Variants in TCTN2 observed in about 807,000 individuals in gnomAD.
TCTN2 encodes the protein tectonic family member 2, also known as tectonic-2.
A neutral mutation model predicts 83.4 loss-of-function variants in TCTN2; 66 were observed. The observed-to-expected ratio is 0.79, with a 90% CI of 0.65 to 0.97. TCTN2 has a LOEUF of 0.97. TCTN2 is among the 50% of genes least tolerant of loss of function. The pLI is 0.00. For synonymous variants in TCTN2, 301 were observed against 326.7 expected (o/e 0.92, Z 0.85); for missense variants, 794 against 858.1 (o/e 0.93, Z 0.93).
chr12:123,690,983 C>T (rs1237654172), intron 8 of TCTN2, among the ~76,000 whole-genome samples: 1 of 152,038 alleles, frequency 6.6e-6, no homozygotes, highest in Non-Finnish European at 1.5e-5. Context: ...ATTCTCCTGC[C>T]TCAGCTTCCC....
rs150634667 is a variant in TCTN2, at chr12:123,706,783, C to T, written c.1827C>T (p.Asp609=). 1.0e-4 allele frequency: 167 copies of T among 1,614,136 alleles called. 1 individual carries two copies. The Admixed American group carries it at 1.2e-3, about 11-fold the overall frequency. The change falls in exon 16 of 18, where the codon GAC becomes GAT. Residue 609 remains aspartate (D), a synonymous_variant. Transcript: ENST00000303372. Reference sequence around the variant, plus strand: ...GGCTTACCTGTGAGCACAAGGCCGACCTTCTCCCTATCAGTGCATCCGTCC... The same window carrying T: ...GGCTTACCTGTGAGCACAAGGCCGATCTTCTCCCTATCAGTGCATCCGTCC... ...QCGLTCEHKA[D]LLPISASVQF...
chr12:123,694,832 G>C lies in TCTN2; in HGVS notation c.1100-10G>C, dbSNP rs794727008. On this transcript the variant is annotated splice_polypyrimidine_tract_variant and intron_variant, in intron 9 of 17. Transcript: ENST00000303372. Reference sequence around the variant, plus strand: ...GTCTTTAATTTATGAACATATTCTTGTATTTGCAGAAACTCCTTTAAATAA... The same window carrying C: ...GTCTTTAATTTATGAACATATTCTTCTATTTGCAGAAACTCCTTTAAATAA... 1 of 1,610,192 alleles carries C rather than the reference G, an allele frequency of 6.2e-7. No individual in the cohort carries two copies. The highest frequency in any genetic ancestry group is 8.5e-7 in the Non-Finnish European group (1 of 1,177,244).
chr12:123,703,137 T>G (rs1956190858), intron 14 of TCTN2, among the ~76,000 whole-genome samples: 1 of 152,192 alleles, frequency 6.6e-6, no homozygotes. Context: ...ACATACTAAT[T>G]AAAGTCGTTA....
rs545101214 is a variant in TCTN2, at chr12:123,690,620, T to C, written c.979T>C (p.Tyr327His). Residue 327 changes from tyrosine (Y) to histidine (H), a missense_variant, in exon 8 of 18, where the codon TAC becomes CAC. Physicochemically the swap from Tyr to His is moderately conservative, Grantham distance 83. Coordinates refer to ENST00000303372, the MANE Select transcript of TCTN2 (RefSeq NM_024809.5). ...TAAATGCGTTACTAATTTGGAACTA[T>C]ACCAAGAACGAGATGGTATTATCAA... ...DVKCVTNLELYQERDGIINAK... is the reference protein window; with the variant it reads ...DVKCVTNLELHQERDGIINAK... 5.0e-6 allele frequency: 8 copies of C among 1,614,200 alleles called. No homozygotes were observed. In the Admixed American group the frequency reaches 8.3e-5, roughly 17 times the overall value.
intron 9 of TCTN2, among the ~76,000 whole-genome samples, chr12:123,694,150 T>A (rs1315212109): frequency 1.3e-5 from 2 of 152,050 alleles, no homozygotes; most frequent in Non-Finnish European, 2.9e-5. Flanking sequence ...CCTGCCCCCA[T>A]GCCTGGCTGA....
At position 123,691,184 on chromosome 12, in the gene TCTN2, A is replaced by G. The variant is rs542604260; in HGVS notation, c.1033+510A>G. 2.1e-4 allele frequency among the ~76,000 whole-genome samples: 32 copies of G among 152,220 alleles called. No homozygotes were observed. In the South Asian group the frequency reaches 6.4e-3, roughly 31 times the overall value. On this transcript the variant is annotated intron_variant, in intron 8 of 17. Transcript: ENST00000303372. ...GCGTCCCACCAGAATTAACCCTTTT[A>G]AAGTGTACAATTCATTGACATTAGT...
chr12:123,684,216 T>C (rs1955935209), intron 5 of TCTN2, among the ~76,000 whole-genome samples: 1 of 152,144 alleles, frequency 6.6e-6, no homozygotes, highest in Admixed American at 6.6e-5. Context: ...CAATACCATA[T>C]GCTTTCCCCT....
intron 13 of TCTN2, among the ~76,000 whole-genome samples, chr12:123,698,907 G>T (rs905567941): frequency 2.0e-5 from 3 of 152,092 alleles, no homozygotes; most frequent in Non-Finnish European, 4.4e-5. Context: ...TCCCTCTCCT[G>T]CAGTTCATGA....
rs548537228 is a variant in TCTN2 at position 123,699,613 on chromosome 12, C to T, written c.1506-91C>T. 3.4e-4 allele frequency: 356 copies of T among 1,059,386 alleles called. 1 individual carries two copies. The highest frequency in any genetic ancestry group is 4.7e-4 in the Non-Finnish European group (321 of 682,008). 65.6% of individuals were successfully genotyped at this position (1,059,386 alleles called of 1,614,324 possible). ...TTCCTCTGGCAGTTTTTAATTTAGG[C>T]ACTCGGAAGTGAAACCCGGACATTC... On this transcript the variant is annotated intron_variant, in intron 13 of 17. Transcript: ENST00000303372.
chr12:123,706,800 C>T lies in TCTN2; in HGVS notation c.1844C>T (p.Ala615Val), dbSNP rs371113794. ...AAGGCCGACCTTCTCCCTATCAGTG[C>T]ATCCGTCCAGTTTATTAAAATTCCT... ...EHKADLLPIS[A>V]SVQFIKIPAQ... Residue 615 changes from alanine to valine, a missense_variant, in exon 16 of 18, where the codon GCA becomes GTA. Coordinates refer to ENST00000303372, the MANE Select transcript of TCTN2 (RefSeq NM_024809.5). 1 of 1,614,086 alleles carries T rather than the reference C, an allele frequency of 6.2e-7. No individual in the cohort carries two copies. The highest frequency in any genetic ancestry group is 8.5e-7 in the Non-Finnish European group (1 of 1,180,046).
chr12:123,699,081 T>TACCTC (rs1566259995), intron 13 of TCTN2, among the ~76,000 whole-genome samples: 46 of 152,320 alleles, frequency 3.0e-4, no homozygotes, highest in African/African-American at 1.1e-3. Context: ...TGATGTGTGC[T>TACCTC]CTAACTACCT....
rs544396270 is a variant in TCTN2 at position 123,675,210 on chromosome 12, G to A, written c.463+1400G>A. 1.7e-4 allele frequency among the ~76,000 whole-genome samples: 26 copies of A among 152,288 alleles called. No individual in the cohort carries two copies. The South Asian group carries it at 2.5e-3, about 15-fold the overall frequency. ...AGCTTTTGATGCTACAGCAAAGATCGTTATGCCCGTGTACATGAATCTTTG... is the reference window on the plus strand; with the variant it reads ...AGCTTTTGATGCTACAGCAAAGATCATTATGCCCGTGTACATGAATCTTTG... On this transcript the variant is annotated intron_variant, in intron 4 of 17. Coordinates refer to ENST00000303372, the MANE Select transcript of TCTN2 (RefSeq NM_024809.5).
At chr12:123,700,077 T>A in intron 14 of TCTN2, 3 of 528,402 alleles carry the variant, frequency 5.7e-6, no homozygotes, top group Non-Finnish European at 1.0e-5. Flanking sequence ...AGTGGTGCAA[T>A]CACAGCTCAT....
In TCTN2 at chr12:123,707,613, A is replaced by T; in HGVS notation, c.1994A>T (p.His665Leu). The part of the protein sequence containing the change: ...PWTQYYQGEL[H>L]SQCVAKGLLL... The stretch of plus-strand genomic sequence containing the variant: ...GTCCATTGTTTTTCAGGGGAGCTGC[A>T]TTCTCAGTGTGTTGCTAAGGGCTTA... The change falls in exon 18 of 18, where the codon CAT becomes CTT. Residue 665 changes from histidine (H) to leucine (L), a missense_variant. Transcript: ENST00000303372. 6.2e-7 allele frequency: 1 copy of T among 1,614,128 alleles called. No individual in the cohort carries two copies. Among genetic ancestry groups the T allele is most frequent in the Non-Finnish European group, 8.5e-7 (1 of 1,179,988 alleles).
At chr12:123,705,629 G>T (rs1593869983) in intron 15 of TCTN2, among the ~76,000 whole-genome samples, 2 of 152,036 alleles carry the variant, frequency 1.3e-5, no homozygotes, top group South Asian at 2.1e-4. Flanking sequence ...TCTTCCTTTG[G>T]GTTGGCTTCA....
At chr12:123,701,235 G>A (rs1392683540) in intron 14 of TCTN2, among the ~76,000 whole-genome samples, 2 of 152,186 alleles carry the variant, frequency 1.3e-5, no homozygotes, top group East Asian at 1.9e-4. Context: ...AGTGGATGCC[G>A]GAGGTGGAGG....
rs769948543 is a variant in TCTN2 at position 123,692,649 on chromosome 12, T to C, written c.1034-9T>C. ...CGCCTGTGGAAGTTAATTTATGTTA[T>C]CTCTTTAGGCATAGTTACACCAAAA... is the stretch of plus-strand genomic sequence containing the variant. On this transcript the variant is annotated splice_polypyrimidine_tract_variant and intron_variant, in intron 8 of 17. Coordinates refer to ENST00000303372, the MANE Select transcript of TCTN2 (RefSeq NM_024809.5). 1 of 1,609,240 alleles carries C rather than the reference T, an allele frequency of 6.2e-7. No individual in the cohort carries two copies. Among genetic ancestry groups the C allele is most frequent in the East Asian group, 2.2e-5 (1 of 44,864 alleles).
At chr12:123,702,122 G>T (rs531310147) in intron 14 of TCTN2, among the ~76,000 whole-genome samples, 2 of 152,310 alleles carry the variant, frequency 1.3e-5, no homozygotes, top group African/African-American at 4.8e-5. Context: ...GTTTCTTGGG[G>T]AGCCTTGAGT....
chr12:123,672,264 G>T, intron 3 of TCTN2, 132 bp downstream of exon 3: 1 of 872,602 alleles, frequency 1.1e-6, no homozygotes. Context: ...TGGGCTGTTG[G>T]ATCTGGTAGA....
Sources: allele counts gnomAD v4.1 joint callset (sites outside exome capture counted in the v4.1 genomes callset), GRCh38; gene constraint gnomAD v4.1.1; transcripts MANE v1.5; gene names NCBI Gene and HGNC (gene_info 2026-07-23, HGNC 2026-07-21).